SERPINB11: variants seen among roughly 807,000 people sequenced by gnomAD.
The protein encoded by SERPINB11 is serpin B11.
A neutral mutation model predicts 36.7 loss-of-function variants in SERPINB11; 32 were observed. The ratio of observed to expected loss-of-function variants is 0.87; its 90% confidence interval spans 0.66 to 1.17. The LOEUF is 1.17. SERPINB11 is among the 50% of genes most tolerant of loss of function. The pLI, the probability that SERPINB11 is intolerant of heterozygous loss-of-function variation, is 0.00. For missense variants in SERPINB11, 528 were observed against 458.4 expected (o/e 1.15, Z -1.39); for synonymous variants, 174 against 168.1 (o/e 1.04, Z -0.27).
rs758965113 is a variant in SERPINB11 at position 63,710,289 on chromosome 18, G to T, written c.96G>T (p.Ser32=). The change falls in exon 2 of 8, where the codon TCG becomes TCT. Residue 32 remains serine, a synonymous_variant. Coordinates refer to ENST00000544088, the MANE Select transcript of SERPINB11 (RefSeq NM_001370475.1). ...NNIGDNIFFS[S]LSLLYALSMV... ...TAGGAGATAACATCTTCTTTTCTTCGCTGAGTCTGCTTTATGCTCTAAGCA... is the reference window on the plus strand; with the variant it reads ...TAGGAGATAACATCTTCTTTTCTTCTCTGAGTCTGCTTTATGCTCTAAGCA... 1 of 1,613,594 alleles carries T rather than the reference G, an allele frequency of 6.2e-7. No homozygotes were observed. The highest frequency in any genetic ancestry group is 1.3e-5 in the African/African-American group (1 of 74,890).
chr18:63,709,806 A>T (rs1914470573), intron 1 of SERPINB11, among the ~76,000 whole-genome samples: 1 of 152,050 alleles, frequency 6.6e-6, no homozygotes, highest in Non-Finnish European at 1.5e-5. Flanking sequence ...GTAGCTCAAG[A>T]TTTTTTTCTG....
At chr18:63,709,767 G>A (rs1470862492) in intron 1 of SERPINB11, among the ~76,000 whole-genome samples, 2 of 152,144 alleles carry the variant, frequency 1.3e-5, no homozygotes, top group Non-Finnish European at 2.9e-5. Context: ...GTAGTCTAGT[G>A]GGAAAATATC....
At chr18:63,719,368 C>T (rs1914746003) in intron 5 of SERPINB11, among the ~76,000 whole-genome samples, 3 of 152,024 alleles carry the variant, frequency 2.0e-5, no homozygotes, top group African/African-American at 7.2e-5. Flanking sequence ...AAGCTTAAAG[C>T]TGATGTTCAG....
intron 4 of SERPINB11, among the ~76,000 whole-genome samples, chr18:63,713,697 G>A (rs116340657): frequency 4.9e-4 from 75 of 152,300 alleles, no homozygotes; most frequent in African/African-American, 1.6e-3. Flanking sequence ...TGTATGGAGA[G>A]TGTCTAGAGT....
At position 63,711,359 on chromosome 18, in the gene SERPINB11, G is replaced by A. The variant is rs760869283; in HGVS notation, c.193G>A (p.Asp65Asn). 3.1e-6 allele frequency: 5 copies of A among 1,610,594 alleles called. No homozygotes were observed. In the South Asian group the frequency reaches 5.5e-5, roughly 18 times the overall value. The change falls in exon 3 of 8, where the codon GAC becomes AAC. Residue 65 changes from aspartate to asparagine, a missense_variant. Physicochemically the swap from Asp to Asn is conservative, Grantham distance 23. Transcript: ENST00000544088. ...EKVLHFSHTV[D>N]SLKPGFKDSP... The stretch of plus-strand genomic sequence containing the variant: ...GGTGCTTCATTTTAGTCATACTGTA[G>A]ACTCATTAAAACCAGGGTTCAAGGA...
chr18:63,718,064 C>T (rs1309927172), intron 5 of SERPINB11, among the ~76,000 whole-genome samples: 2 of 152,012 alleles, frequency 1.3e-5, no homozygotes, highest in Admixed American at 1.3e-4. Flanking sequence ...AGAATCCTTT[C>T]ATTATTGCAC....
chr18:63,718,107 CAT>C (rs1191880791), intron 5 of SERPINB11, among the ~76,000 whole-genome samples: 1 of 151,840 alleles, frequency 6.6e-6, no homozygotes, highest in African/African-American at 2.4e-5. Context: ...ATTAGATGAC[CAT>C]ATGTGTGTGA....
intron 5 of SERPINB11, among the ~76,000 whole-genome samples, chr18:63,719,619 A>G (rs916304609): frequency 6.6e-6 from 1 of 152,112 alleles, no homozygotes; most frequent in Non-Finnish European, 1.5e-5. Context: ...ATTTTAAAAT[A>G]ATATATTTGT....
At chr18:63,714,524 A>C (rs1598964039) in intron 4 of SERPINB11, among the ~76,000 whole-genome samples, 1 of 152,266 alleles carries the variant, frequency 6.6e-6, no homozygotes, top group African/African-American at 2.4e-5. Flanking sequence ...TGTATAAGAC[A>C]GGCATTCCCA....
chr18:63,718,717 C>A (rs191588309), intron 5 of SERPINB11, among the ~76,000 whole-genome samples: 60 of 152,154 alleles, frequency 3.9e-4, no homozygotes, highest in Non-Finnish European at 5.9e-4. Context: ...CCCATTATAT[C>A]ACTTAACAGT....
intron 4 of SERPINB11, among the ~76,000 whole-genome samples, chr18:63,714,688 A>G (rs1434138706): frequency 6.6e-6 from 1 of 152,160 alleles, no homozygotes; most frequent in Non-Finnish European, 1.5e-5. Context: ...GCCAGATCTA[A>G]TGGTTATCTC....
At chr18:63,704,358 G>T (rs564888896) in intron 1 of SERPINB11, among the ~76,000 whole-genome samples, 2 of 152,260 alleles carry the variant, frequency 1.3e-5, no homozygotes, top group Admixed American at 1.3e-4. Flanking sequence ...AATAAAACTA[G>T]TTAAATATAT....
intron 1 of SERPINB11, among the ~76,000 whole-genome samples, chr18:63,708,691 G>A (rs1366763181): frequency 6.6e-6 from 1 of 152,188 alleles, no homozygotes; most frequent in Non-Finnish European, 1.5e-5. Flanking sequence ...TGGGGATGTT[G>A]AGTAAGCAGT....
chr18:63,711,450 T>C, intron 3 of SERPINB11, 56 bp downstream of exon 3: 1 of 1,331,110 alleles, frequency 7.5e-7, no homozygotes, highest in Non-Finnish European at 1.1e-6. Context: ...AAGGATGAAA[T>C]AATAGTCTGG....
chr18:63,710,053 G>C, intron 1 of SERPINB11, 126 bp from the exon 2 acceptor site: 1 of 618,380 alleles, frequency 1.6e-6, no homozygotes, highest in Non-Finnish European at 2.6e-6. Context: ...ATTGTGATAA[G>C]GGTATGTAGT....
intron 4 of SERPINB11, among the ~76,000 whole-genome samples, 192 bp from the exon 5 acceptor site, chr18:63,715,843 G>T (rs970173424): frequency 6.6e-6 from 1 of 152,188 alleles, no homozygotes; most frequent in Non-Finnish European, 1.5e-5. Flanking sequence ...ATTCCTTTTG[G>T]AAGGGTTTCA....
At chr18:63,721,314 G>A (rs957225137) in intron 7 of SERPINB11, among the ~76,000 whole-genome samples, 20 of 152,052 alleles carry the variant, frequency 1.3e-4, no homozygotes, top group Non-Finnish European at 2.5e-4. Context: ...TGCTATTTGG[G>A]CTCCTAGTGT....
chr18:63,711,308 A>T (rs753646335), intron 2 of SERPINB11, 27 bp from the exon 3 acceptor site: 2 of 1,562,990 alleles, frequency 1.3e-6, no homozygotes, highest in Non-Finnish European at 1.8e-6. Context: ...TTCTGATGCC[A>T]AAAGATCCCT....
chr18:63,705,997 T>C (rs1213738622), intron 1 of SERPINB11, among the ~76,000 whole-genome samples: 1 of 152,196 alleles, frequency 6.6e-6, no homozygotes, highest in African/African-American at 2.4e-5. Flanking sequence ...AAACATCCTG[T>C]CAAAGGTACA....
Sources: gnomAD v4.1 joint callset for allele counts (sites outside exome capture counted in the v4.1 genomes callset) on GRCh38, gnomAD v4.1.1 for gene constraint, MANE v1.5 for transcripts, NCBI Gene and HGNC (gene_info 2026-07-23, HGNC 2026-07-21) for gene names.